GRM1: variants seen among roughly 807,000 people sequenced by gnomAD.
GRM1 encodes glutamate metabotropic receptor 1, also known as metabotropic glutamate receptor 1.
Under a neutral mutation model 90.9 loss-of-function variants are expected in GRM1, and 33 were observed. The ratio of observed to expected loss-of-function variants is 0.36; its 90% confidence interval spans 0.28 to 0.49. The LOEUF is 0.49. Ranked by LOEUF, GRM1 falls within the 20% of genes least tolerant of loss-of-function variation. The probability of loss-of-function intolerance (pLI) is 0.99; values close to 1 mark genes in which losing one functional copy is unlikely to be tolerated. For synonymous variants in GRM1, 700 were observed against 613.2 expected, an observed-to-expected ratio of 1.14 and a Z score of -2.09; for missense variants, 1,190 against 1,534.3, an observed-to-expected ratio of 0.78 and a Z score of 3.75.
At chr6:146,076,699 G>A (rs141633790) in intron 1 of GRM1, among the ~76,000 whole-genome samples, 11 of 152,248 alleles carry the variant, frequency 7.2e-5, no homozygotes, top group Admixed American at 5.2e-4. Flanking sequence ...GGAGTGGAGA[G>A]GTTGGATGGT....
At chr6:146,430,350 G>T (rs1337905937) in intron 7 of GRM1, among the ~76,000 whole-genome samples, 2 of 152,168 alleles carry the variant, frequency 1.3e-5, no homozygotes, top group Admixed American at 1.3e-4. Context: ...AGGCCTAACA[G>T]TGTTTTCCTC....
intron 2 of GRM1, among the ~76,000 whole-genome samples, chr6:146,191,171 G>T (rs1778924294): frequency 1.3e-5 from 2 of 152,116 alleles, no homozygotes; most frequent in Non-Finnish European, 2.9e-5. Context: ...CTCTTCCTTA[G>T]TCTGGATTAG....
chr6:146,079,805 G>A (rs552668138), intron 1 of GRM1, among the ~76,000 whole-genome samples: 31 of 152,304 alleles, frequency 2.0e-4, no homozygotes, highest in Non-Finnish European at 3.8e-4. Context: ...AAAGCCAGGC[G>A]TTGTAGAGGA....
chr6:146,386,661 A>T (rs879899572), intron 5 of GRM1, among the ~76,000 whole-genome samples: 1 of 152,104 alleles, frequency 6.6e-6, no homozygotes, highest in South Asian at 2.1e-4. Flanking sequence ...AAAATGAATT[A>T]TTATTGAAAA....
chr6:146,281,028 T>TTACCTATAAACTTAC (rs1283299594), intron 2 of GRM1, among the ~76,000 whole-genome samples: 1 of 152,150 alleles, frequency 6.6e-6, no homozygotes, highest in Non-Finnish European at 1.5e-5. Flanking sequence ...ACTTTTTTGT[T>TTACCTATAAACTTAC]TATAGGTAAC....
chr6:146,280,079 C>T (rs920785643), intron 2 of GRM1, among the ~76,000 whole-genome samples: 1 of 152,006 alleles, frequency 6.6e-6, no homozygotes, highest in Non-Finnish European at 1.5e-5. Context: ...CATTCAAATA[C>T]TTTTTTCATT....
intron 2 of GRM1, among the ~76,000 whole-genome samples, chr6:146,183,978 G>A (rs929957953): frequency 6.6e-6 from 1 of 152,110 alleles, no homozygotes. Flanking sequence ...CACACTTGGA[G>A]TGGGCAATTA....
intron 1 of GRM1, among the ~76,000 whole-genome samples, chr6:146,138,858 TCTA>T (rs1318337880): frequency 1.3e-5 from 2 of 152,130 alleles, no homozygotes; most frequent in African/African-American, 2.4e-5. Context: ...TTTATTTTCT[TCTA>T]CTAATTTGCG....
intron 2 of GRM1, among the ~76,000 whole-genome samples, chr6:146,196,217 C>A (rs1779110671): frequency 6.6e-6 from 1 of 151,738 alleles, no homozygotes; most frequent in Non-Finnish European, 1.5e-5. Context: ...GATGTCATAA[C>A]CCTTCTTTGA....
intron 1 of GRM1, among the ~76,000 whole-genome samples, chr6:146,085,208 A>G (rs183255058): frequency 6.6e-6 from 1 of 152,264 alleles, no homozygotes; most frequent in Admixed American, 6.5e-5. Flanking sequence ...AAATATCATA[A>G]TATTTTTAAA....
chr6:146,237,438 T>C (rs966586817), intron 2 of GRM1, among the ~76,000 whole-genome samples: 1 of 117,628 alleles, frequency 8.5e-6, no homozygotes, highest in African/African-American at 3.3e-5. Context: ...TTTTCAAATA[T>C]AAATTATTTG....
chr6:146,173,817 C>T (rs2128895410), intron 2 of GRM1, among the ~76,000 whole-genome samples: 1 of 152,174 alleles, frequency 6.6e-6, no homozygotes, highest in South Asian at 2.1e-4. Context: ...CAGGCACCCG[C>T]CACCACGCCT....
intron 2 of GRM1, among the ~76,000 whole-genome samples, chr6:146,236,457 C>T (rs936178250): frequency 3.6e-4 from 54 of 152,106 alleles, no homozygotes; most frequent in African/African-American, 1.2e-3. Context: ...CCTAGGAGTA[C>T]ACTGCTGTTA....
intron 1 of GRM1, among the ~76,000 whole-genome samples, chr6:146,069,629 G>A (rs978582040): frequency 6.6e-6 from 1 of 152,148 alleles, no homozygotes; most frequent in Non-Finnish European, 1.5e-5. Flanking sequence ...TCTTGGCTGT[G>A]TTTAAATAAC....
At chr6:146,159,993 G>GAA (rs796131829) in intron 2 of GRM1, 41 of 140,334 alleles carry the variant, frequency 2.9e-4, no homozygotes, top group African/African-American at 6.7e-4. Flanking sequence ...TACTTTTTCA[G>GAA]AAAAAAAAAA....
rs573289908 is a variant in GRM1, at chr6:146,434,398, C to T, written c.3187C>T (p.Arg1063Trp). ...AGPGGPGNGL[R>W]SLYPPPPPPQ... ...CCCCGGTGGTCCCGGGAACGGGCTG[C>T]GGTCCCTGTACCCGCCCCCGCCACC... The change falls in exon 8 of 8, where the codon CGG becomes TGG. Residue 1063 changes from arginine (R) to tryptophan (W), a missense_variant. By Grantham distance (101) the Arg-to-Trp change is moderately radical. Coordinates refer to ENST00000282753, the MANE Select transcript of GRM1 (RefSeq NM_001278064.2). The T allele has an allele frequency of 6.2e-7, 1 of 1,613,392 alleles. No homozygotes were observed. Among genetic ancestry groups the T allele is most frequent in the Non-Finnish European group, 8.5e-7 (1 of 1,179,722 alleles).
intron 2 of GRM1, among the ~76,000 whole-genome samples, chr6:146,272,391 A>T (rs1782196969): frequency 6.6e-6 from 1 of 152,224 alleles, no homozygotes. Context: ...TGGGACCTGA[A>T]ACTAAGTAAA....
At chr6:146,209,954 G>A (rs1779631139) in intron 2 of GRM1, among the ~76,000 whole-genome samples, 1 of 152,074 alleles carries the variant, frequency 6.6e-6, no homozygotes, top group Admixed American at 6.6e-5. Context: ...TAACAGAAAG[G>A]AATCTCAAAG....
chr6:146,163,935 A>T (rs1337238352), intron 2 of GRM1, among the ~76,000 whole-genome samples: 1 of 152,148 alleles, frequency 6.6e-6, no homozygotes, highest in East Asian at 1.9e-4. Context: ...GGGACTTTAC[A>T]ATGTCATTCT....
Sources: gnomAD v4.1 joint callset for allele counts (sites outside exome capture counted in the v4.1 genomes callset) on GRCh38, gnomAD v4.1.1 for gene constraint, MANE v1.5 for transcripts, NCBI Gene and HGNC (gene_info 2026-07-23, HGNC 2026-07-21) for gene names.